The following ZFYVE27 variants were observed in gnomAD, a reference collection of about 807,000 sequenced individuals.
ZFYVE27 encodes zinc finger FYVE-type containing 27, also known as protrudin.
Under a neutral mutation model 52.8 loss-of-function variants are expected in ZFYVE27, and 36 were observed. That is an observed-to-expected ratio of 0.68 (90% confidence interval 0.52 to 0.90). The LOEUF (loss-of-function observed/expected upper bound fraction) is 0.90. ZFYVE27 is among the 40% of genes least tolerant of loss of function. The pLI is 0.00. For synonymous variants in ZFYVE27, 223 were observed against 215.6 expected (o/e 1.03, Z -0.30); for missense variants, 450 against 527.2 (o/e 0.85, Z 1.43).
chr10:97,748,936 C>T (rs1381788517), intron 5 of ZFYVE27, among the ~76,000 whole-genome samples: 1 of 152,060 alleles, frequency 6.6e-6, no homozygotes, highest in African/African-American at 2.4e-5. Flanking sequence ...ATGAAACTAC[C>T]ATATCAAACA....
chr10:97,759,407 T>C lies in ZFYVE27; in HGVS notation c.*107T>C, dbSNP rs1422744129. The stretch of plus-strand genomic sequence containing the variant: ...TGGTGTGTGCTGGGCAAATGTGGCC[T>C]GAATGCTAGGTAGGCTTCCCCTTCC... On this transcript the variant is annotated 3_prime_UTR_variant, in exon 13 of 13. Coordinates refer to ENST00000684270, the MANE Select transcript of ZFYVE27 (RefSeq NM_001385875.1). The C allele has an allele frequency of 8.4e-7, 1 of 1,185,322 alleles. No individual in the cohort carries two copies. Among genetic ancestry groups the C allele is most frequent in the African/African-American group, 1.5e-5 (1 of 66,534 alleles). The allele number at this position is 1,185,322 out of a possible 1,614,324, so 73.4% of individuals were successfully genotyped here. A position where few individuals can be genotyped will look rare whatever the true frequency, so the allele number is the denominator to read the frequency against.
At position 97,760,455 on chromosome 10, in the gene ZFYVE27, A is replaced by G. The variant is rs909659694; in HGVS notation, c.*1155A>G. On this transcript the variant is annotated 3_prime_UTR_variant, in exon 13 of 13. Transcript: ENST00000684270. ...TGGAGCTGCCCTGCCTTTCTCAAGT[A>G]TTTATTTATTTATTGCATGGTTCCT... The G allele has an allele frequency of 2.0e-5, 3 of 151,976 alleles. No homozygotes were observed. The highest frequency in any genetic ancestry group is 7.3e-5 in the African/African-American group (3 of 41,292). The allele number at this position is 151,976 out of a possible 1,614,324, so 9.4% of individuals were successfully genotyped here.
In ZFYVE27 at chr10:97,748,378, C is replaced by T. The variant is rs554334501; in HGVS notation, c.551+14C>T. ...CGTGTCCTCACAGTGAGTGACCCCT[C>T]CTCTCCCGCCACCACCCTATAGGAA... On this transcript the variant is annotated intron_variant, in intron 5 of 12. Transcript: ENST00000684270. The T allele has an allele frequency of 2.2e-4, 347 of 1,612,714 alleles. 1 individual carries two copies. In the South Asian group the frequency reaches 3.6e-3, roughly 17 times the overall value.
chr10:97,745,602 A>G (rs1239608049), intron 4 of ZFYVE27, among the ~76,000 whole-genome samples: 1 of 152,218 alleles, frequency 6.6e-6, no homozygotes, highest in East Asian at 1.9e-4. Context: ...CAAGTTGCTT[A>G]GCCTCTGTGT....
chr10:97,759,457 C>G lies in ZFYVE27; in HGVS notation c.*157C>G. On this transcript the variant is annotated 3_prime_UTR_variant, in exon 13 of 13. Transcript: ENST00000684270. The stretch of plus-strand genomic sequence containing the variant: ...CTTCCTCACTCTCTCCAGCTGGATT[C>G]TGGAGCTGTTCTCCATCCATGAGAG... 1.3e-6 allele frequency: 1 copy of G among 779,010 alleles called. No individual in the cohort carries two copies. Among genetic ancestry groups the G allele is most frequent in the Non-Finnish European group, 2.2e-6 (1 of 452,746 alleles). 48.3% of individuals were successfully genotyped at this position (779,010 alleles called of 1,614,324 possible).
chr10:97,751,526 T>TTTTTTG, intron 8 of ZFYVE27, 64 bp downstream of exon 8: 2 of 1,552,718 alleles, frequency 1.3e-6, no homozygotes, highest in East Asian at 2.3e-5. Flanking sequence ...CCTGGAGCTG[T>TTTTTTG]TTTTTGTTTT....
chr10:97,748,650 A>G (rs1275672523), intron 5 of ZFYVE27, among the ~76,000 whole-genome samples: 2 of 152,132 alleles, frequency 1.3e-5, no homozygotes, highest in African/African-American at 4.8e-5. Context: ...AGAATTTGTC[A>G]CATGCATCTA....
At chr10:97,757,526 G>A in intron 11 of ZFYVE27, 116 bp from the exon 12 acceptor site, 1 of 1,339,686 alleles carries the variant, frequency 7.5e-7, no homozygotes. Flanking sequence ...CTCCACTTGG[G>A]CACCCCCCAG....
intron 3 of ZFYVE27, among the ~76,000 whole-genome samples, chr10:97,744,408 G>A (rs1564811016): frequency 6.6e-6 from 1 of 152,234 alleles, no homozygotes; most frequent in Non-Finnish European, 1.5e-5. Flanking sequence ...TGTGCTAGCA[G>A]CATCTTAAAA....
chr10:97,752,008 A>G (rs533138612), intron 8 of ZFYVE27, among the ~76,000 whole-genome samples: 2 of 152,238 alleles, frequency 1.3e-5, no homozygotes, highest in Non-Finnish European at 2.9e-5. Flanking sequence ...ATGTTTAAAT[A>G]TGGAGAGATT....
In ZFYVE27 at chr10:97,748,362, A is replaced by G. The variant is rs2046011783; in HGVS notation, c.549A>G (p.Ser183=). 1 of 1,613,738 alleles carries G rather than the reference A, an allele frequency of 6.2e-7. No individual in the cohort carries two copies. The highest frequency in any genetic ancestry group is 1.1e-5 in the South Asian group (1 of 91,036). ...VLHWENPVVS[S]QFYGALLGTV... ...ACTGGGAGAACCCCGTCGTGTCCTC[A>G]CAGTGAGTGACCCCTCCTCTCCCGC... Residue 183 remains serine, a splice_region_variant and synonymous_variant, in exon 5 of 13, where the codon TCA becomes TCG. Coordinates refer to ENST00000684270, the MANE Select transcript of ZFYVE27 (RefSeq NM_001385875.1).
chr10:97,753,025 G>C lies in ZFYVE27; in HGVS notation c.898-13G>C, dbSNP rs2047406803. ...CAAGAGGTGGGCAGGACTGGAAGGAGCTGTTCCCACAGGAGGATGATGAGG... is the reference window on the plus strand; with the variant it reads ...CAAGAGGTGGGCAGGACTGGAAGGACCTGTTCCCACAGGAGGATGATGAGG... On this transcript the variant is annotated splice_polypyrimidine_tract_variant and intron_variant, in intron 9 of 12. Coordinates refer to ENST00000684270, the MANE Select transcript of ZFYVE27 (RefSeq NM_001385875.1). 6.2e-7 allele frequency: 1 copy of C among 1,612,890 alleles called. No individual in the cohort carries two copies. Among genetic ancestry groups the C allele is most frequent in the African/African-American group, 1.3e-5 (1 of 74,996 alleles).
intron 8 of ZFYVE27, 55 bp from the exon 9 acceptor site, chr10:97,752,800 TTC>T (rs1295786933): frequency 6.2e-7 from 1 of 1,602,532 alleles, no homozygotes; most frequent in Non-Finnish European, 8.5e-7. Flanking sequence ...AGCTTCTTTC[TTC>T]TTGCTATCTT....
rs2042736353 is a variant in ZFYVE27, at chr10:97,738,623, T to C, written c.146T>C (p.Ile49Thr). Residue 49 changes from isoleucine to threonine, a missense_variant, in exon 2 of 13, where the codon ATC becomes ACC. Transcript: ENST00000684270. ...NLVLSYKRLE[I>T]YLEPLKDAGD... The stretch of plus-strand genomic sequence containing the variant: ...GTTCTCTCCTACAAGAGGCTGGAGA[T>C]CTACCTGGAACCCTTGAAGGATGCA... The C allele has an allele frequency of 2.5e-6, 4 of 1,614,090 alleles. No homozygotes were observed. In the South Asian group the frequency reaches 3.3e-5, roughly 13 times the overall value.
chr10:97,747,229 G>A (rs1371357179), intron 4 of ZFYVE27, among the ~76,000 whole-genome samples: 1 of 152,076 alleles, frequency 6.6e-6, no homozygotes, highest in Admixed American at 6.5e-5. Context: ...GATGTGTCAT[G>A]TTCAGTACAT....
intron 8 of ZFYVE27, among the ~76,000 whole-genome samples, chr10:97,751,961 T>C (rs2047117804): frequency 6.6e-6 from 1 of 152,256 alleles, no homozygotes; most frequent in Non-Finnish European, 1.5e-5. Context: ...AAGTGTTTTA[T>C]TTGGCATGCA....
chr10:97,755,243 G>GA (rs2136315173), intron 10 of ZFYVE27, among the ~76,000 whole-genome samples: 1 of 152,368 alleles, frequency 6.6e-6, no homozygotes, highest in East Asian at 1.9e-4. Context: ...TCTTTGCCAT[G>GA]AGGGCAGGTG....
chr10:97,758,602 G>A (rs1387692051), intron 12 of ZFYVE27, among the ~76,000 whole-genome samples: 2 of 152,320 alleles, frequency 1.3e-5, no homozygotes, highest in South Asian at 4.1e-4. Context: ...GATTACAGGC[G>A]TGAGCCACCG....
chr10:97,744,610 CAG>C, intron 3 of ZFYVE27, 117 bp from the exon 4 acceptor site: 1 of 1,188,668 alleles, frequency 8.4e-7, no homozygotes, highest in East Asian at 2.5e-5. Context: ...ACAGAGCTAT[CAG>C]GGAAGGCCTG....
Sources: allele counts gnomAD v4.1 joint callset (sites outside exome capture counted in the v4.1 genomes callset), GRCh38; gene constraint gnomAD v4.1.1; transcripts MANE v1.5; gene names NCBI Gene and HGNC (gene_info 2026-07-23, HGNC 2026-07-21).